CSMD2: variants seen among roughly 807,000 people sequenced by gnomAD.
The protein encoded by CSMD2 is CUB and sushi domain-containing protein 2.
In CSMD2, 130 loss-of-function variants were observed where a neutral mutation model predicts 398.5. The observed-to-expected ratio is 0.33, with a 90% CI of 0.28 to 0.38. The LOEUF is 0.38. CSMD2 is among the 10% of genes least tolerant of loss of function. The pLI is 1.00. For synonymous variants in CSMD2, 1,828 were observed against 1,908.5 expected (o/e 0.96, Z 1.10); for missense variants, 3,829 against 4,764.9 (o/e 0.80, Z 5.78).
rs767240114 is a variant in CSMD2 at position 33,559,376 on chromosome 1, C to A, written c.8478G>T (p.Gly2826=). Residue 2826 remains glycine, a synonymous_variant, in exon 54 of 71, where the codon GGG becomes GGT. Transcript: ENST00000373381. The surrounding 1 kb of genome is among the most constrained non-coding windows in gnomAD (Gnocchi z 4.0). Reference sequence around the variant, plus strand: ...ACCTAGCAGCCCCCTCAGCCATATACCCAGGGTTGCAAACAAACTTGACCA... The same window carrying A: ...ACCTAGCAGCCCCCTCAGCCATATAACCAGGGTTGCAAACAAACTTGACCA... The part of the protein sequence containing the change: ...NDVVKFVCNP[G]YMAEGAARSQ... 3 of 1,536,012 alleles carry A rather than the reference C, an allele frequency of 2.0e-6. No homozygotes were observed. Among genetic ancestry groups the A allele is most frequent in the Non-Finnish European group, 2.6e-6 (3 of 1,146,930 alleles).
intron 41 of CSMD2, among the ~76,000 whole-genome samples, chr1:33,608,086 G>C (rs1324109197): frequency 6.6e-6 from 1 of 152,062 alleles, no homozygotes; most frequent in Non-Finnish European, 1.5e-5. Flanking sequence ...GGACAGCGGG[G>C]CCCCTTGTGC....
intron 29 of CSMD2, among the ~76,000 whole-genome samples, chr1:33,644,178 T>C (rs924877669): frequency 2.8e-5 from 4 of 140,534 alleles, no homozygotes; most frequent in African/African-American, 1.3e-4. Context: ...CCCCTCTAGA[T>C]ACCCACCTTG....
In CSMD2 at chr1:33,724,407, G is replaced by A. The variant is rs1401417468; in HGVS notation, c.2885-94C>T. ...GGACCCCATCCCCCATCTCTCGAAA[G>A]CCCAACCTTCGCTGATGGGGTGAGG... On this transcript the variant is annotated intron_variant, in intron 18 of 70. Coordinates refer to ENST00000373381, the MANE Select transcript of CSMD2 (RefSeq NM_001281956.2). The A allele has an allele frequency of 2.6e-6, 4 of 1,521,264 alleles. No individual in the cohort carries two copies. In the African/African-American group the frequency reaches 4.1e-5, roughly 16 times the overall value. 94.2% of individuals were successfully genotyped at this position (1,521,264 alleles called of 1,614,324 possible). A position where few individuals can be genotyped will look rare whatever the true frequency, so the allele number is the denominator to read the frequency against.
At chr1:33,716,902 G>C (rs1255014186) in intron 19 of CSMD2, among the ~76,000 whole-genome samples, 2 of 152,136 alleles carry the variant, frequency 1.3e-5, no homozygotes, top group Non-Finnish European at 2.9e-5. Context: ...GGATATACCA[G>C]ACATTAAACG....
intron 33 of CSMD2, 134 bp from the exon 34 acceptor site, chr1:33,625,388 G>A: frequency 6.5e-6 from 5 of 768,748 alleles, no homozygotes; most frequent in Non-Finnish European, 8.4e-6. Context: ...CCGTAGGGAA[G>A]GGCTCGAGGG....
chr1:33,818,291 T>C (rs1054238166), intron 9 of CSMD2, among the ~76,000 whole-genome samples: 1 of 152,206 alleles, frequency 6.6e-6, no homozygotes, highest in African/African-American at 2.4e-5. Flanking sequence ...ATTCATTCCG[T>C]CATCCATTCA....
intron 3 of CSMD2, among the ~76,000 whole-genome samples, chr1:34,021,469 C>T (rs556589338): frequency 2.0e-5 from 3 of 152,268 alleles, no homozygotes; most frequent in East Asian, 1.9e-4. Context: ...AGTGGTTCTT[C>T]GGTACCAAGG....
intron 2 of CSMD2, among the ~76,000 whole-genome samples, chr1:34,087,040 A>G (rs1367640768): frequency 6.6e-6 from 1 of 152,014 alleles, no homozygotes; most frequent in African/African-American, 2.4e-5. Flanking sequence ...GAGGATTCCA[A>G]AACTGCAGGT....
At chr1:33,536,982 A>G (rs1449020449) in intron 62 of CSMD2, 40 bp downstream of exon 62, 1 of 1,585,312 alleles carries the variant, frequency 6.3e-7, no homozygotes, top group Admixed American at 1.7e-5. Flanking sequence ...ACAAGAAGGG[A>G]TAGGATGTAG....
At chr1:33,634,494 G>A (rs1489398818) in intron 31 of CSMD2, among the ~76,000 whole-genome samples, 6 of 152,262 alleles carry the variant, frequency 3.9e-5, no homozygotes, top group African/African-American at 1.4e-4. Context: ...ATTGTGTTTA[G>A]ATATGGTTGT....
At chr1:34,102,781 A>G (rs961764581) in intron 1 of CSMD2, among the ~76,000 whole-genome samples, 1 of 152,174 alleles carries the variant, frequency 6.6e-6, no homozygotes. Flanking sequence ...TCCGGTGTCT[A>G]GTCAAATATA....
intron 5 of CSMD2, among the ~76,000 whole-genome samples, chr1:33,849,630 T>C (rs1385964687): frequency 6.6e-6 from 1 of 152,128 alleles, no homozygotes; most frequent in African/African-American, 2.4e-5. Context: ...ACTGTACATT[T>C]AAAATAGGTA....
chr1:33,588,667 CCAA>C (rs771106056), intron 44 of CSMD2, among the ~76,000 whole-genome samples: 3 of 152,154 alleles, frequency 2.0e-5, no homozygotes, highest in African/African-American at 4.8e-5. Context: ...TCACGATCAC[CCAA>C]CAACATGGTG....
intron 47 of CSMD2, among the ~76,000 whole-genome samples, chr1:33,581,366 A>T (rs1352392665): frequency 2.7e-5 from 4 of 148,594 alleles, no homozygotes; most frequent in African/African-American, 9.8e-5. Context: ...AAAAAAAAAA[A>T]AAAAAAAAAA....
rs139686871 is a variant in CSMD2, at chr1:33,622,312, C to T, written c.5723-41G>A. 689 of 1,443,188 alleles carry T rather than the reference C, an allele frequency of 4.8e-4. 6 individuals are homozygous for T. The African/African-American group carries it at 7.0e-3, about 15-fold the overall frequency. The allele number at this position is 1,443,188 out of a possible 1,614,324, so 89.4% of individuals were successfully genotyped here. ...CAGGGAAAACCATTTAAGTTTGGCTCCTCCAGGCCCTTGCATTCCTCCCCA... is the reference window on the plus strand; with the variant it reads ...CAGGGAAAACCATTTAAGTTTGGCTTCTCCAGGCCCTTGCATTCCTCCCCA... On this transcript the variant is annotated intron_variant, in intron 36 of 70. Coordinates refer to ENST00000373381, the MANE Select transcript of CSMD2 (RefSeq NM_001281956.2).
intron 3 of CSMD2, among the ~76,000 whole-genome samples, chr1:33,973,944 A>G (rs1392119902): frequency 2.0e-5 from 3 of 152,134 alleles, no homozygotes; most frequent in African/African-American, 7.2e-5. Flanking sequence ...TCTGAGCAGA[A>G]CTGCCCTCTG....
chr1:33,791,051 C>G (rs977976976), intron 11 of CSMD2, among the ~76,000 whole-genome samples: 2 of 151,184 alleles, frequency 1.3e-5, no homozygotes, highest in African/African-American at 4.8e-5. Flanking sequence ...AGCATCATCT[C>G]CAGGTAGGTG....
intron 17 of CSMD2, 129 bp downstream of exon 17, chr1:33,725,220 G>A (rs1484621947): frequency 1.5e-5 from 11 of 737,736 alleles, no homozygotes; most frequent in Middle Eastern, 4.0e-4. Flanking sequence ...CCTTCTGAAG[G>A]GCACAGCCTA....
At chr1:34,145,056 C>A (rs1639643189) in intron 1 of CSMD2, among the ~76,000 whole-genome samples, 1 of 152,206 alleles carries the variant, frequency 6.6e-6, no homozygotes, top group South Asian at 2.1e-4. Flanking sequence ...TTCCCCAACC[C>A]CTCCGCTTGA....
Sources: gnomAD v4.1 joint callset for allele counts (sites outside exome capture counted in the v4.1 genomes callset) on GRCh38, gnomAD v4.1.1 for gene constraint, Gnocchi (gnomAD v3.1) non-coding constraint, MANE v1.5 for transcripts, NCBI Gene and HGNC (gene_info 2026-07-23, HGNC 2026-07-21) for gene names.